The following ENOX1 variants were observed in gnomAD, a reference collection of about 807,000 sequenced individuals.
ENOX1 encodes the protein ecto-NOX disulfide-thiol exchanger 1.
ENOX1 carries 42 observed loss-of-function variants against 82.5 expected under a neutral mutation model. That is an observed-to-expected ratio of 0.51 (90% CI 0.40 to 0.66). The LOEUF is 0.66. Among genes scored for constraint, ENOX1 ranks in the 30% least tolerant of loss-of-function variants. ENOX1 has a pLI of 0.00. For synonymous variants in ENOX1, 271 were observed against 282.2 expected (o/e 0.96, Z 0.40); for missense variants, 608 against 811.6 (o/e 0.75, Z 3.05).
At chr13:43,312,537 C>G (rs1325829197) in intron 11 of ENOX1, among the ~76,000 whole-genome samples, 3 of 152,148 alleles carry the variant, frequency 2.0e-5, no homozygotes, top group Non-Finnish European at 2.9e-5. Flanking sequence ...TCATTTTTCT[C>G]TTTATCTTTT....
intron 2 of ENOX1, among the ~76,000 whole-genome samples, chr13:43,560,202 G>A (rs958685203): frequency 3.9e-5 from 6 of 152,024 alleles, no homozygotes. Flanking sequence ...TCTTTTTAAT[G>A]GCTATTTTAT....
chr13:43,679,751 T>A (rs1230458746), intron 1 of ENOX1, among the ~76,000 whole-genome samples: 4 of 152,152 alleles, frequency 2.6e-5, no homozygotes, highest in Non-Finnish European at 5.9e-5. Context: ...GACCACTGGA[T>A]AAGTGAGGTA....
intron 1 of ENOX1, among the ~76,000 whole-genome samples, chr13:43,758,506 G>C (rs997824469): frequency 6.6e-6 from 1 of 152,206 alleles, no homozygotes; most frequent in Non-Finnish European, 1.5e-5. Context: ...GATGTGCATA[G>C]AAGGCCAGCA....
chr13:43,689,632 T>G (rs1404259396), intron 1 of ENOX1, among the ~76,000 whole-genome samples: 1 of 152,242 alleles, frequency 6.6e-6, no homozygotes, highest in Admixed American at 6.5e-5. Flanking sequence ...TAATATTCAT[T>G]TTTTCCATTT....
At chr13:43,217,405 T>C (rs1319561863) in intron 16 of ENOX1, among the ~76,000 whole-genome samples, 1 of 152,184 alleles carries the variant, frequency 6.6e-6, no homozygotes, top group Admixed American at 6.5e-5. Context: ...TTGGCTAGCA[T>C]GTACTGAAAT....
chr13:43,316,082 C>T (rs913239537), intron 11 of ENOX1, among the ~76,000 whole-genome samples: 1 of 152,186 alleles, frequency 6.6e-6, no homozygotes, highest in Non-Finnish European at 1.5e-5. Flanking sequence ...CTCCTCCTCT[C>T]CCTGCCAACT....
chr13:43,613,308 A>G (rs2153739933), intron 2 of ENOX1, among the ~76,000 whole-genome samples: 1 of 152,306 alleles, frequency 6.6e-6, no homozygotes, highest in African/African-American at 2.4e-5. Context: ...ACAATTAAAA[A>G]TGACTCAACT....
At chr13:43,239,276 C>T (rs960510783) in intron 14 of ENOX1, among the ~76,000 whole-genome samples, 1 of 152,154 alleles carries the variant, frequency 6.6e-6, no homozygotes, top group Admixed American at 6.5e-5. Context: ...ATGGCTCCCA[C>T]AACAGTCCAG....
In ENOX1 at chr13:43,470,739, T is replaced by G. The variant is rs182713707; in HGVS notation, c.-75+13270A>C. On this transcript the variant is annotated intron_variant, in intron 3 of 16. Transcript: ENST00000690772. ...TGCAATGAACACTTTACAGAGAAAA[T>G]TATATAAATGACCGGTGAGCATATG... 5.9e-5 allele frequency among the ~76,000 whole-genome samples: 9 copies of G among 151,346 alleles called. No homozygotes were observed. In the East Asian group the frequency reaches 1.6e-3, roughly 26 times the overall value.
At chr13:43,442,048 C>A in intron 3 of ENOX1, among the ~76,000 whole-genome samples, 1 of 152,050 alleles carries the variant, frequency 6.6e-6, no homozygotes, top group Non-Finnish European at 1.5e-5. Flanking sequence ...AACGCCTACA[C>A]GTAGGGAGAA....
chr13:43,281,637 G>A (rs149708903), intron 12 of ENOX1, among the ~76,000 whole-genome samples: 3 of 152,226 alleles, frequency 2.0e-5, no homozygotes, highest in African/African-American at 7.2e-5. Flanking sequence ...ATGTTTACCC[G>A]TGAAAATTTC....
At chr13:43,470,411 T>TATATATGTATATATATACAC (rs2153646855) in intron 3 of ENOX1, among the ~76,000 whole-genome samples, 1 of 101,742 alleles carries the variant, frequency 9.8e-6, no homozygotes, top group Non-Finnish European at 2.4e-5. Flanking sequence ...TATATATATA[T>TATATATGTATATATATACAC]ATATATAACA....
chr13:43,435,652 C>T (rs117519004), intron 3 of ENOX1, among the ~76,000 whole-genome samples: 1,745 of 152,264 alleles, frequency 0.011, 20 homozygotes, highest in South Asian at 0.024. Flanking sequence ...TACTTACATG[C>T]TGTTGGTGTT....
chr13:43,501,498 T>C (rs998150641), intron 2 of ENOX1, among the ~76,000 whole-genome samples: 1 of 151,708 alleles, frequency 6.6e-6, no homozygotes, highest in African/African-American at 2.4e-5. Context: ...CTAGGGTAGA[T>C]CACATGCTTG....
intron 11 of ENOX1, among the ~76,000 whole-genome samples, chr13:43,299,899 G>T (rs977363122): frequency 2.0e-5 from 3 of 152,124 alleles, no homozygotes; most frequent in Non-Finnish European, 4.4e-5. Context: ...CCAAATCAAG[G>T]TCGCCTCCTG....
intron 1 of ENOX1, among the ~76,000 whole-genome samples, chr13:43,713,285 C>A (rs1261562140): frequency 2.0e-5 from 3 of 152,146 alleles, no homozygotes; most frequent in Non-Finnish European, 4.4e-5. Context: ...GGTGGATGAA[C>A]TTTTTGATGT....
chr13:43,377,652 G>T (rs763562677), intron 5 of ENOX1, among the ~76,000 whole-genome samples: 2 of 152,176 alleles, frequency 1.3e-5, no homozygotes, highest in East Asian at 3.8e-4. Flanking sequence ...TATTATAGGC[G>T]CCAGGCAAGG....
intron 1 of ENOX1, among the ~76,000 whole-genome samples, chr13:43,691,909 G>A (rs2086387973): frequency 6.6e-6 from 1 of 151,678 alleles, no homozygotes; most frequent in Non-Finnish European, 1.5e-5. Flanking sequence ...ACCGTGTTAG[G>A]CAGGATGGTC....
chr13:43,509,601 T>C (rs1255193057), intron 2 of ENOX1, among the ~76,000 whole-genome samples: 2 of 152,070 alleles, frequency 1.3e-5, no homozygotes, highest in South Asian at 2.1e-4. Context: ...CTCTGCAATA[T>C]AGATTTGGAA....
Sources: gnomAD v4.1 joint callset for allele counts (sites outside exome capture counted in the v4.1 genomes callset) on GRCh38, gnomAD v4.1.1 for gene constraint, MANE v1.5 for transcripts, NCBI Gene and HGNC (gene_info 2026-07-23, HGNC 2026-07-21) for gene names.